PPP2R2B: variants seen among roughly 807,000 people sequenced by gnomAD.
PPP2R2B encodes the protein protein phosphatase 2 regulatory subunit Bbeta.
In PPP2R2B, 5 loss-of-function variants were observed where a neutral mutation model predicts 46.0. The observed-to-expected ratio is 0.11, with a 90% CI of 0.06 to 0.23. The LOEUF (loss-of-function observed/expected upper bound fraction) is 0.23, where lower values mean the gene tolerates loss of function less well. Ranked by LOEUF, PPP2R2B falls within the 10% of genes least tolerant of loss-of-function variation. The probability of loss-of-function intolerance (pLI) is 1.00; values close to 1 mark genes in which losing one functional copy is unlikely to be tolerated. For synonymous variants in PPP2R2B, 215 were observed against 206.7 expected (o/e 1.04, Z -0.34); for missense variants, 367 against 575.0 (o/e 0.64, Z 3.70).
intron 1 of PPP2R2B, among the ~76,000 whole-genome samples, chr5:147,008,206 T>C (rs1754539351): frequency 6.6e-6 from 1 of 152,126 alleles, no homozygotes; most frequent in Non-Finnish European, 1.5e-5. Flanking sequence ...TGTGTAAATG[T>C]AGTGACTAGT....
At chr5:146,732,848 T>G (rs1182256215) in intron 2 of PPP2R2B, among the ~76,000 whole-genome samples, 2 of 152,216 alleles carry the variant, frequency 1.3e-5, no homozygotes, top group African/African-American at 2.4e-5. Flanking sequence ...AGACTGTAGC[T>G]GGGGCACTCC....
At chr5:147,036,545 T>C (rs1397627386) in intron 1 of PPP2R2B, among the ~76,000 whole-genome samples, 1 of 152,244 alleles carries the variant, frequency 6.6e-6, no homozygotes, top group Admixed American at 6.5e-5. Flanking sequence ...ATGGGATTGC[T>C]GAGTCAAATG....
intron 9 of PPP2R2B, 25 bp from the exon 10 acceptor site, chr5:146,590,251 T>C: frequency 6.2e-7 from 1 of 1,607,100 alleles, no homozygotes. Flanking sequence ...GCAAAGGCAA[T>C]GACATATCTT....
intron 2 of PPP2R2B, among the ~76,000 whole-genome samples, chr5:146,702,107 C>T (rs1367627673): frequency 6.8e-6 from 1 of 146,234 alleles, no homozygotes; most frequent in African/African-American, 2.5e-5. Context: ...TGGCCTTTGA[C>T]AGGAACATTC....
chr5:147,008,568 A>G (rs1754561087), intron 1 of PPP2R2B, among the ~76,000 whole-genome samples: 1 of 152,110 alleles, frequency 6.6e-6, no homozygotes, highest in African/African-American at 2.4e-5. Context: ...TGAGATGTTT[A>G]TCTATATAAA....
intron 2 of PPP2R2B, among the ~76,000 whole-genome samples, chr5:146,799,541 T>G (rs1292226589): frequency 6.6e-6 from 1 of 152,168 alleles, no homozygotes; most frequent in African/African-American, 2.4e-5. Context: ...CAATCTAGCC[T>G]GAGACAACAC....
intron 4 of PPP2R2B, among the ~76,000 whole-genome samples, chr5:146,691,826 G>T (rs1778872974): frequency 6.6e-6 from 1 of 152,070 alleles, no homozygotes; most frequent in South Asian, 2.1e-4. Flanking sequence ...AAGCCTCGGG[G>T]CCTTTGCACT....
intron 5 of PPP2R2B, among the ~76,000 whole-genome samples, chr5:146,654,913 A>T (rs1056702972): frequency 2.0e-5 from 3 of 152,204 alleles, no homozygotes; most frequent in Non-Finnish European, 2.9e-5. Flanking sequence ...GACAAAATTC[A>T]GATCAGGCCA....
intron 7 of PPP2R2B, among the ~76,000 whole-genome samples, chr5:146,633,515 G>A (rs1774582163): frequency 6.6e-6 from 1 of 152,254 alleles, no homozygotes; most frequent in South Asian, 2.1e-4. Context: ...GCTGAACAAA[G>A]GGAGATGTGC....
rs753556106 is a variant in PPP2R2B, at chr5:146,590,229, G to A, written c.1053-3C>T. ...TGTAGGAGCCTGTCATGATGACACT[G>A]CAAGGCAGAGAGCAAAGGCAATGAC... On this transcript the variant is annotated splice_polypyrimidine_tract_variant and splice_region_variant and intron_variant, in intron 9 of 9. Transcript: ENST00000394411. The A allele has an allele frequency of 5.8e-6, 9 of 1,544,058 alleles. No individual in the cohort carries two copies. In the African/African-American group the frequency reaches 1.1e-4, roughly 18 times the overall value.
chr5:146,895,345 T>C (rs890993270), intron 1 of PPP2R2B, among the ~76,000 whole-genome samples: 2 of 152,228 alleles, frequency 1.3e-5, no homozygotes, highest in Non-Finnish European at 2.9e-5. Context: ...CCTTCATTAC[T>C]TTCACCACAG....
chr5:146,962,429 C>T (rs1249276204), intron 1 of PPP2R2B, among the ~76,000 whole-genome samples: 1 of 151,686 alleles, frequency 6.6e-6, no homozygotes. Flanking sequence ...GAGACCAAGG[C>T]GGGTGGATCA....
At chr5:146,994,346 C>T (rs1239289316) in intron 1 of PPP2R2B, among the ~76,000 whole-genome samples, 9 of 152,056 alleles carry the variant, frequency 5.9e-5, no homozygotes, top group Admixed American at 3.9e-4. Context: ...ACCTATATTT[C>T]GTGAGTAACA....
chr5:146,684,381 A>T (rs1228447137), intron 5 of PPP2R2B, among the ~76,000 whole-genome samples: 2 of 152,238 alleles, frequency 1.3e-5, no homozygotes, highest in Non-Finnish European at 2.9e-5. Context: ...CCCTCCTCCC[A>T]GAATGAGTAT....
intron 2 of PPP2R2B, among the ~76,000 whole-genome samples, chr5:146,713,246 A>T (rs1241052141): frequency 6.6e-6 from 1 of 152,164 alleles, no homozygotes; most frequent in Non-Finnish European, 1.5e-5. Context: ...AGACCCTAAG[A>T]GGGAAATGAA....
chr5:146,871,620 C>A (rs1761620627), intron 2 of PPP2R2B, among the ~76,000 whole-genome samples: 1 of 152,216 alleles, frequency 6.6e-6, no homozygotes, highest in African/African-American at 2.4e-5. Context: ...GAGACGTGCA[C>A]TGCTGTGCTA....
At chr5:146,914,764 ACATAAT>A (rs757705097) in intron 1 of PPP2R2B, among the ~76,000 whole-genome samples, 2 of 152,232 alleles carry the variant, frequency 1.3e-5, no homozygotes, top group Non-Finnish European at 2.9e-5. Flanking sequence ...TTCTTTGGCT[ACATAAT>A]GTAGACAGCA....
chr5:146,843,501 G>A (rs1759795066), intron 2 of PPP2R2B, among the ~76,000 whole-genome samples: 2 of 152,136 alleles, frequency 1.3e-5, no homozygotes, highest in Admixed American at 6.5e-5. Context: ...GCTAAAATAG[G>A]GGATTTGTAA....
intron 2 of PPP2R2B, among the ~76,000 whole-genome samples, chr5:146,718,809 G>C (rs548103488): frequency 6.6e-6 from 1 of 152,192 alleles, no homozygotes; most frequent in Non-Finnish European, 1.5e-5. Flanking sequence ...TGGATTGCCC[G>C]ATCCCTGAGA....
Sources: allele counts gnomAD v4.1 joint callset (sites outside exome capture counted in the v4.1 genomes callset), GRCh38; gene constraint gnomAD v4.1.1; transcripts MANE v1.5; gene names NCBI Gene and HGNC (gene_info 2026-07-23, HGNC 2026-07-21).